Variants in GSG1 observed in about 807,000 individuals in gnomAD.
The protein encoded by GSG1 is germ cell-specific gene 1 protein.
GSG1 carries 28 observed loss-of-function variants against 30.8 expected under a neutral mutation model. The observed-to-expected ratio is 0.91, with a 90% confidence interval of 0.67 to 1.25. GSG1 has a LOEUF of 1.25. Among genes scored for constraint, GSG1 ranks in the 50% most tolerant of loss-of-function variants. The pLI, the probability that GSG1 is intolerant of heterozygous loss-of-function variation, is 0.00. For synonymous variants in GSG1, 162 were observed against 178.0 expected (o/e 0.91, Z 0.71); for missense variants, 435 against 444.7 (o/e 0.98, Z 0.20).
chr12:13,092,118 T>C (rs1485366554), intron 1 of GSG1, among the ~76,000 whole-genome samples: 1 of 152,108 alleles, frequency 6.6e-6, no homozygotes, highest in Admixed American at 6.5e-5. Flanking sequence ...AGAGGACAAA[T>C]TAGAATGAGG....
chr12:13,103,120 C>T (rs1177456988), intron 1 of GSG1, among the ~76,000 whole-genome samples: 1 of 151,624 alleles, frequency 6.6e-6, no homozygotes, highest in Non-Finnish European at 1.5e-5. Context: ...ATTTTGGCAA[C>T]GGGAATAATG....
intron 5 of GSG1, 87 bp downstream of exon 5, chr12:13,087,820 C>T (rs1193449276): frequency 1.4e-6 from 2 of 1,400,624 alleles, no homozygotes; most frequent in African/African-American, 2.9e-5. Flanking sequence ...GGGCTCCTCC[C>T]CTTCAGGGCA....
At chr12:13,090,923 A>G (rs1252932693) in intron 1 of GSG1, 105 bp from the exon 2 acceptor site, 3 of 945,062 alleles carry the variant, frequency 3.2e-6, no homozygotes, top group East Asian at 2.5e-5. Context: ...CGCTCAAGCC[A>G]TACTCCTCCA....
intron 1 of GSG1, among the ~76,000 whole-genome samples, chr12:13,094,639 C>T (rs1181946189): frequency 6.6e-6 from 1 of 152,174 alleles, no homozygotes; most frequent in Non-Finnish European, 1.5e-5. Flanking sequence ...TCTTACATTG[C>T]TTGAATAAGA....
rs769009711 is a variant in GSG1 at position 13,089,207 on chromosome 12, C to T, written c.433+1G>A. The T allele has an allele frequency of 6.4e-7, 1 of 1,554,630 alleles. No homozygotes were observed. ...TTAATGATCTTAGTGTTAACTAATA[C>T]CTTTTGCTGCCGCTGTACCACTGGA... On this transcript the variant is annotated splice_donor_variant, in intron 3 of 6. Coordinates refer to ENST00000651961, the MANE Select transcript of GSG1 (RefSeq NM_001080555.4). LOFTEE classifies it high-confidence loss of function.
At position 13,088,853 on chromosome 12, in the gene GSG1, C is replaced by T. The variant is rs753298883; in HGVS notation, c.481+9G>A. On this transcript the variant is annotated intron_variant, in intron 4 of 6. Transcript: ENST00000651961. ...TGCAACGTGGCAAATTCCAGTAGTC[C>T]TTTCTCACCTCTCTTGGCTGGTGGT... 3 of 1,614,172 alleles carry T rather than the reference C, an allele frequency of 1.9e-6. No individual in the cohort carries two copies. In the South Asian group the frequency reaches 3.3e-5, roughly 18 times the overall value.
At position 13,103,529 on chromosome 12, in the gene GSG1, A is replaced by G. The variant is rs778364083; in HGVS notation, c.-17T>C. 2.5e-6 allele frequency: 4 copies of G among 1,613,738 alleles called. No homozygotes were observed. In the Admixed American group the frequency reaches 6.7e-5, roughly 27 times the overall value. The stretch of plus-strand genomic sequence containing the variant: ...ATCGCTCATTCACTCTTGCAGCGGG[A>G]AGGCAGAGAAGTTTCAGTTTATCTT... On this transcript the variant is annotated 5_prime_UTR_variant, in exon 1 of 7. Transcript: ENST00000651961.
chr12:13,087,729 C>T (rs984018964), intron 5 of GSG1, among the ~76,000 whole-genome samples, 178 bp downstream of exon 5: 1 of 152,198 alleles, frequency 6.6e-6, no homozygotes, highest in Non-Finnish European at 1.5e-5. Context: ...TTGTAAAGTA[C>T]ACGGTGATCC....
chr12:13,099,453 T>C (rs996999688), intron 1 of GSG1, among the ~76,000 whole-genome samples: 11 of 152,212 alleles, frequency 7.2e-5, no homozygotes, highest in African/African-American at 2.7e-4. Flanking sequence ...CACTTCACCA[T>C]TTATGACACC....
intron 4 of GSG1, among the ~76,000 whole-genome samples, chr12:13,088,419 C>T (rs989538996): frequency 6.6e-6 from 1 of 152,116 alleles, no homozygotes; most frequent in Non-Finnish European, 1.5e-5. Flanking sequence ...TCCCTGCCTC[C>T]CTTCTTCACT....
rs1487895162 is a variant in GSG1 at position 13,101,242 on chromosome 12, CCGAGCGCGCCCTCCCACCCTGATGAGTAA to C, written c.48+2194_48+2222del. ...TGCCTGGGCCGCGCCATCTCCACTT[CCGAGCGCGCCCTCCCACCCTGATGAGTAA>C]CGCGCCGTCTCTCCCGTTTACTACG... On this transcript the variant is annotated intron_variant, in intron 1 of 6. Coordinates refer to ENST00000651961, the MANE Select transcript of GSG1 (RefSeq NM_001080555.4). The surrounding 1 kb of genome is among the most constrained non-coding windows in gnomAD (Gnocchi z 5.8). 2.0e-5 allele frequency among the ~76,000 whole-genome samples: 3 copies of C among 152,086 alleles called. No individual in the cohort carries two copies. The highest frequency in any genetic ancestry group is 2.0e-4 in the Admixed American group (3 of 15,282).
chr12:13,086,577 C>T (rs1438857961), intron 6 of GSG1, among the ~76,000 whole-genome samples: 10 of 152,092 alleles, frequency 6.6e-5, no homozygotes, highest in Non-Finnish European at 5.9e-5. Context: ...TGGTTGCTGT[C>T]GCTCTCTTTT....
At position 13,095,886 on chromosome 12, in the gene GSG1, G is replaced by C. The variant is rs1866624849; in HGVS notation, c.49-5068C>G. 4 of 1,072,956 alleles carry C rather than the reference G, an allele frequency of 3.7e-6. No individual in the cohort carries two copies. The East Asian group carries it at 1.1e-4, about 29-fold the overall frequency. 66.5% of individuals were successfully genotyped at this position (1,072,956 alleles called of 1,614,324 possible). A position where few individuals can be genotyped will look rare whatever the true frequency, so the allele number is the denominator to read the frequency against. On this transcript the variant is annotated intron_variant, in intron 1 of 6. Transcript: ENST00000651961. ...ATGGGGATCTGGGATTAAGCACAAA[G>C]AAGCAAGGACCTGCAATTTGCAGAG...
At chr12:13,095,760 C>G (rs1180849556) in intron 1 of GSG1, 4 of 1,536,856 alleles carry the variant, frequency 2.6e-6, no homozygotes, top group Non-Finnish European at 2.6e-6. Flanking sequence ...TTTGGAGTGC[C>G]TCATGATTAA....
In GSG1 at chr12:13,090,661, G is replaced by C. The variant is rs747175368; in HGVS notation, c.206C>G (p.Ala69Gly). The change falls in exon 2 of 7, where the codon GCC becomes GGC. Residue 69 changes from alanine (A) to glycine (G), a missense_variant. Physicochemically the swap from Ala to Gly is moderately conservative, Grantham distance 60. Coordinates refer to ENST00000651961, the MANE Select transcript of GSG1 (RefSeq NM_001080555.4). The stretch of plus-strand genomic sequence containing the variant: ...GGACACTGGCATGTCAAAGCACTTG[G>C]CTGCCAGACCTTTCTCGCACAGGGG... The part of the protein sequence containing the change: ...PKPLCEKGLA[A>G]KCFDMPVSLD... 22 of 1,614,114 alleles carry C rather than the reference G, an allele frequency of 1.4e-5. No individual in the cohort carries two copies. The highest frequency in any genetic ancestry group is 2.5e-6 in the Non-Finnish European group (3 of 1,180,054).
chr12:13,093,948 C>A lies in GSG1; in HGVS notation c.49-3130G>T, dbSNP rs556040847. Among the ~76,000 whole-genome samples, 1 of 152,244 alleles carries A rather than the reference C, an allele frequency of 6.6e-6. No homozygotes were observed. Among genetic ancestry groups the A allele is most frequent in the African/African-American group, 2.4e-5 (1 of 41,458 alleles). ...TAGAGAAGTAATTTGGCAAGTCTCT[C>A]ACTTTGTGTTAGAGCAGTTTATACA... On this transcript the variant is annotated intron_variant, in intron 1 of 6. Transcript: ENST00000651961. This position sits in a 1 kb window ranked among gnomAD's most constrained non-coding sequence, Gnocchi z 4.6.
chr12:13,091,375 C>A (rs1328277247), intron 1 of GSG1, among the ~76,000 whole-genome samples: 1 of 152,174 alleles, frequency 6.6e-6, no homozygotes, highest in Non-Finnish European at 1.5e-5. Context: ...GAGAAGCAGC[C>A]CTTGCTGGGT....
chr12:13,097,667 A>C (rs1228929138), intron 1 of GSG1, among the ~76,000 whole-genome samples: 1 of 152,212 alleles, frequency 6.6e-6, no homozygotes, highest in African/African-American at 2.4e-5. Flanking sequence ...CGATTCCTGG[A>C]CCCACCCTGA....
At chr12:13,089,848 C>T (rs550714267) in intron 2 of GSG1, among the ~76,000 whole-genome samples, 10 of 152,166 alleles carry the variant, frequency 6.6e-5, no homozygotes, top group East Asian at 1.9e-4. Context: ...GTCGGGAGTT[C>T]GAGACCAGCC....
Sources: allele counts gnomAD v4.1 joint callset (sites outside exome capture counted in the v4.1 genomes callset), GRCh38; gene constraint gnomAD v4.1.1; non-coding constraint Gnocchi (gnomAD v3.1); transcripts MANE v1.5; gene names NCBI Gene and HGNC (gene_info 2026-07-23, HGNC 2026-07-21).